GIPC2: variants seen among roughly 807,000 people sequenced by gnomAD.
The protein encoded by GIPC2 is PDZ domain-containing protein GIPC2.
GIPC2 carries 30 observed loss-of-function variants against 30.6 expected under a neutral mutation model. The ratio of observed to expected loss-of-function variants is 0.98; its 90% CI spans 0.73 to 1.33. The LOEUF (loss-of-function observed/expected upper bound fraction) is 1.33, where lower values mean the gene tolerates loss of function less well. Ranked by LOEUF, GIPC2 falls within the 40% of genes most tolerant of loss-of-function variation. GIPC2 has a pLI of 0.00. For synonymous variants in GIPC2, 167 were observed against 150.0 expected (o/e 1.11, Z -0.83); for missense variants, 414 against 390.3 (o/e 1.06, Z -0.51).
intron 1 of GIPC2, among the ~76,000 whole-genome samples, chr1:78,078,211 C>A (rs913628760): frequency 1.4e-3 from 154 of 111,378 alleles, no homozygotes; most frequent in African/African-American, 4.7e-3. Context: ...AAAAAAAAAA[C>A]CTAGTGTATC....
chr1:78,102,615 T>C (rs149532342), intron 3 of GIPC2, among the ~76,000 whole-genome samples: 100 of 152,148 alleles, frequency 6.6e-4, no homozygotes, highest in Admixed American at 1.8e-3. Flanking sequence ...TTATGATATG[T>C]GACATTGGGT....
chr1:78,078,208 A>AC (rs1234411647), intron 1 of GIPC2, among the ~76,000 whole-genome samples: 1 of 151,264 alleles, frequency 6.6e-6, no homozygotes, highest in Admixed American at 6.6e-5. Context: ...AAAAAAAAAA[A>AC]AACCTAGTGT....
intron 1 of GIPC2, 98 bp downstream of exon 1, chr1:78,046,432 G>A (rs1292110009): frequency 1.4e-5 from 16 of 1,173,520 alleles, no homozygotes; most frequent in East Asian, 2.7e-5. Context: ...GGCGTTTCCC[G>A]GAGCGCGAAA....
intron 2 of GIPC2, among the ~76,000 whole-genome samples, chr1:78,088,587 C>T (rs569900044): frequency 6.6e-6 from 1 of 152,268 alleles, no homozygotes; most frequent in South Asian, 2.1e-4. Flanking sequence ...ACAACAGACA[C>T]TGGGGTCTAC....
rs1259212231 is a variant in GIPC2, at chr1:78,121,127, T to A, written c.714+1628T>A. 2.0e-5 allele frequency among the ~76,000 whole-genome samples: 3 copies of A among 151,994 alleles called. No homozygotes were observed. The East Asian group carries it at 5.8e-4, about 29-fold the overall frequency. On this transcript the variant is annotated intron_variant, in intron 4 of 5. Coordinates refer to ENST00000370759, the MANE Select transcript of GIPC2 (RefSeq NM_017655.6). ...GTCTATATATAGGTCAGTGTTTGAGTGAAAAACACCAGAAGGAGAAGTGAC... is the reference window on the plus strand; with the variant it reads ...GTCTATATATAGGTCAGTGTTTGAGAGAAAAACACCAGAAGGAGAAGTGAC...
chr1:78,120,341 G>A (rs1662656398), intron 4 of GIPC2, among the ~76,000 whole-genome samples: 2 of 152,050 alleles, frequency 1.3e-5, no homozygotes, highest in Non-Finnish European at 2.9e-5. Flanking sequence ...TCTCAGTACT[G>A]CTGTTGTCTC....
chr1:78,047,093 C>T lies in GIPC2; in HGVS notation c.240+759C>T, dbSNP rs200094972. Reference sequence around the variant, plus strand: ...ACTGAAATTTGCTTTAATTAGATTTCATGGGGGCCTGGAACTAAGTTTGAC... The same window carrying T: ...ACTGAAATTTGCTTTAATTAGATTTTATGGGGGCCTGGAACTAAGTTTGAC... On this transcript the variant is annotated intron_variant, in intron 1 of 5. Coordinates refer to ENST00000370759, the MANE Select transcript of GIPC2 (RefSeq NM_017655.6). 4.2e-3 allele frequency among the ~76,000 whole-genome samples: 647 copies of T among 152,276 alleles called. 1 individual carries two copies. Among genetic ancestry groups the T allele is most frequent in the Non-Finnish European group, 7.1e-3 (484 of 68,022 alleles).
chr1:78,112,533 C>T (rs1662489011), intron 3 of GIPC2: 1 of 518,900 alleles, frequency 1.9e-6, no homozygotes, highest in African/African-American at 1.9e-5. Context: ...GCTCCATACT[C>T]CAGGCCAACC....
intron 3 of GIPC2, among the ~76,000 whole-genome samples, chr1:78,096,143 A>G (rs557563908): frequency 3.2e-4 from 49 of 152,282 alleles, no homozygotes; most frequent in African/African-American, 1.1e-3. Context: ...TAAGAAAAAG[A>G]TGCCTTATAC....
intron 1 of GIPC2, among the ~76,000 whole-genome samples, chr1:78,060,176 C>T (rs1050495263): frequency 9.9e-5 from 15 of 151,612 alleles, no homozygotes; most frequent in Non-Finnish European, 2.1e-4. Flanking sequence ...TAACCTGTTT[C>T]ATCTCTCTTT....
chr1:78,051,381 T>G (rs1351963438), intron 1 of GIPC2, among the ~76,000 whole-genome samples: 2 of 152,252 alleles, frequency 1.3e-5, no homozygotes, highest in East Asian at 3.8e-4. Context: ...AGTTTGCGTG[T>G]GATATTAGAT....
intron 2 of GIPC2, among the ~76,000 whole-genome samples, chr1:78,084,608 T>G (rs1029721322): frequency 6.6e-6 from 1 of 152,198 alleles, no homozygotes; most frequent in South Asian, 2.1e-4. Context: ...AAATTTTTAC[T>G]TTCAAAGTCA....
At chr1:78,111,264 G>A (rs1662460612) in intron 3 of GIPC2, among the ~76,000 whole-genome samples, 2 of 152,114 alleles carry the variant, frequency 1.3e-5, no homozygotes, top group African/African-American at 4.8e-5. Flanking sequence ...GCGGCGGGGG[G>A]TACTGGACAG....
rs1285764650 is a variant in GIPC2, at chr1:78,136,852, A to G, written c.*1109A>G. 1.3e-5 allele frequency: 2 copies of G among 152,142 alleles called. No individual in the cohort carries two copies. The highest frequency in any genetic ancestry group is 2.9e-5 in the Non-Finnish European group (2 of 67,980). The allele number at this position is 152,142 out of a possible 1,614,324, so 9.4% of individuals were successfully genotyped here. A position where few individuals can be genotyped will look rare whatever the true frequency, so the allele number is the denominator to read the frequency against. On this transcript the variant is annotated 3_prime_UTR_variant, in exon 6 of 6. Transcript: ENST00000370759. ...CGTAGGTGTAAGAGAAATGGAAATG[A>G]ATGGTTTCAACAAAGATCATTTAAT...
At chr1:78,092,151 GT>G in intron 2 of GIPC2, 1 of 769,932 alleles carries the variant, frequency 1.3e-6, no homozygotes, top group Non-Finnish European at 2.2e-6. Context: ...CACACAAGAT[GT>G]TTTTATAGTC....
At chr1:78,124,914 T>A (rs1264395193) in intron 4 of GIPC2, among the ~76,000 whole-genome samples, 1 of 152,106 alleles carries the variant, frequency 6.6e-6, no homozygotes, top group African/African-American at 2.4e-5. Flanking sequence ...GAGGCAGAGG[T>A]TGCAGTGAGC....
In GIPC2 at chr1:78,052,794, A is replaced by G. The variant is rs185806873; in HGVS notation, c.240+6460A>G. 2.4e-3 allele frequency among the ~76,000 whole-genome samples: 368 copies of G among 152,290 alleles called. 5 individuals carry two copies. Among genetic ancestry groups the G allele is most frequent in the Non-Finnish European group, 8.4e-4 (57 of 68,028 alleles). ...ACAGCATATGAGGAGCTGCTTCCTG[A>G]GGCTTCCCAGAAGCTGCTTCCTTTT... On this transcript the variant is annotated intron_variant, in intron 1 of 5. Coordinates refer to ENST00000370759, the MANE Select transcript of GIPC2 (RefSeq NM_017655.6).
chr1:78,091,947 AT>A, intron 2 of GIPC2: 1 of 1,020,644 alleles, frequency 9.8e-7, no homozygotes, highest in Non-Finnish European at 1.6e-6. Context: ...GTTCTTGGTC[AT>A]TTTTGCTTCT....
rs1475229579 is a variant in GIPC2, at chr1:78,137,252, G to T, written c.*1509G>T. On this transcript the variant is annotated 3_prime_UTR_variant, in exon 6 of 6. Transcript: ENST00000370759. Reference sequence around the variant, plus strand: ...ATCCAGCTCAGGTTGTAACTTGTTGGTACTCGTTTAGTGAGTTCGTTTTGG... The same window carrying T: ...ATCCAGCTCAGGTTGTAACTTGTTGTTACTCGTTTAGTGAGTTCGTTTTGG... 6.6e-6 allele frequency: 1 copy of T among 152,028 alleles called. No individual in the cohort carries two copies. The highest frequency in any genetic ancestry group is 1.5e-5 in the Non-Finnish European group (1 of 67,986). 9.4% of individuals were successfully genotyped at this position (152,028 alleles called of 1,614,324 possible).
Sources: allele counts gnomAD v4.1 joint callset (sites outside exome capture counted in the v4.1 genomes callset), GRCh38; gene constraint gnomAD v4.1.1; transcripts MANE v1.5; gene names NCBI Gene and HGNC (gene_info 2026-07-23, HGNC 2026-07-21).